TPCN2: variants seen among roughly 807,000 people sequenced by gnomAD.
The protein encoded by TPCN2 is two pore segment channel 2, also known as two pore channel protein 2.
Under a neutral mutation model 111.4 loss-of-function variants are expected in TPCN2, and 92 were observed. The ratio of observed to expected loss-of-function variants is 0.83; its 90% CI spans 0.70 to 0.98. The LOEUF (loss-of-function observed/expected upper bound fraction) is 0.98. TPCN2 is among the 50% of genes least tolerant of loss of function. The probability of loss-of-function intolerance (pLI) is 0.00; values close to 1 mark genes in which losing one functional copy is unlikely to be tolerated. For synonymous variants in TPCN2, 405 were observed against 414.5 expected (o/e 0.98, Z 0.28); for missense variants, 995 against 980.1 (o/e 1.02, Z -0.20).
chr11:69,081,211 T>A (rs1049046486), intron 17 of TPCN2, among the ~76,000 whole-genome samples, 189 bp from the exon 18 acceptor site: 1 of 152,030 alleles, frequency 6.6e-6, no homozygotes, highest in Non-Finnish European at 1.5e-5. Flanking sequence ...AGCGGAGCAG[T>A]GAGTAGCCCA....
At position 69,079,444 on chromosome 11, in the gene TPCN2, A is replaced by G. The variant is rs189543868; in HGVS notation, c.1540-390A>G. 2.0e-3 allele frequency: 553 copies of G among 281,952 alleles called. 2 individuals carry two copies. Among genetic ancestry groups the G allele is most frequent in the Non-Finnish European group, 2.7e-3 (410 of 149,452 alleles). The allele number at this position is 281,952 out of a possible 1,614,324, so 17.5% of individuals were successfully genotyped here. On this transcript the variant is annotated intron_variant, in intron 16 of 24. Coordinates refer to ENST00000294309, the MANE Select transcript of TPCN2 (RefSeq NM_139075.4). ...GCTTACACTTCCTTTCCCCAGACCC[A>G]GTGGGAGTGAGGGCATGCCACACTT...
intron 13 of TPCN2, among the ~76,000 whole-genome samples, chr11:69,074,723 C>A (rs1400000514): frequency 6.6e-6 from 1 of 152,192 alleles, no homozygotes; most frequent in African/African-American, 2.4e-5. Flanking sequence ...CGTATGTTAG[C>A]TGTGTAACTG....
At position 69,076,494 on chromosome 11, in the gene TPCN2, C is replaced by G. The variant is rs183245795; in HGVS notation, c.1231-1988C>G. ...AGAGCGTGTCCAGATGTGCTTAACA[C>G]CACACTCCGATCCACCCCGTAGCAT... On this transcript the variant is annotated intron_variant, in intron 13 of 24. Coordinates refer to ENST00000294309, the MANE Select transcript of TPCN2 (RefSeq NM_139075.4). Among the ~76,000 whole-genome samples the G allele has an allele frequency of 9.1e-4, 138 of 152,140 alleles. 1 individual carries two copies. The highest frequency in any genetic ancestry group is 6.8e-3 in the Middle Eastern group (2 of 294).
intron 7 of TPCN2, among the ~76,000 whole-genome samples, chr11:69,066,561 A>G (rs948796562): frequency 6.6e-5 from 10 of 152,222 alleles, no homozygotes; most frequent in Non-Finnish European, 5.9e-5. Context: ...CCTCAGTGCT[A>G]TTGATGCGGC....
At chr11:69,070,593 G>A (rs1006990697) in intron 9 of TPCN2, 98 bp downstream of exon 9, 2 of 936,068 alleles carry the variant, frequency 2.1e-6, no homozygotes, top group South Asian at 1.6e-5. Flanking sequence ...CTTCACATCC[G>A]TGTTTTTCAC....
At chr11:69,060,287 A>G (rs1346643247) in intron 5 of TPCN2, among the ~76,000 whole-genome samples, 2 of 152,194 alleles carry the variant, frequency 1.3e-5, no homozygotes, top group African/African-American at 4.8e-5. Flanking sequence ...GGAGGCTGAA[A>G]TGTGCGTGTG....
intron 1 of TPCN2, among the ~76,000 whole-genome samples, chr11:69,052,607 G>A (rs1861279432): frequency 6.6e-6 from 1 of 152,128 alleles, no homozygotes; most frequent in Admixed American, 6.5e-5. Context: ...GAGTGAGGGT[G>A]GGGTCCGGTC....
chr11:69,051,640 C>T (rs764482083), intron 1 of TPCN2, among the ~76,000 whole-genome samples: 4 of 152,232 alleles, frequency 2.6e-5, no homozygotes, highest in Non-Finnish European at 5.9e-5. Context: ...ATCTCAGCCC[C>T]TGCTGTCCTC....
At chr11:69,063,762 A>G in intron 6 of TPCN2, 133 bp from the exon 7 acceptor site, 1 of 763,946 alleles carries the variant, frequency 1.3e-6, no homozygotes, top group Non-Finnish European at 2.2e-6. Context: ...GGAGAGGGGG[A>G]CCCAGCTGCT....
Position 69,086,971 on chromosome 11 carries a change from G to T in TPCN2, c.2086-141G>T, listed in dbSNP as rs916398020. 1.6e-5 allele frequency: 11 copies of T among 676,024 alleles called. No individual in the cohort carries two copies. In the African/African-American group the frequency reaches 2.0e-4, roughly 12 times the overall value. The allele number at this position is 676,024 out of a possible 1,614,324, so 41.9% of individuals were successfully genotyped here. On this transcript the variant is annotated intron_variant, in intron 23 of 24. Coordinates refer to ENST00000294309, the MANE Select transcript of TPCN2 (RefSeq NM_139075.4). ...TCCAGGAGGAGCCAGCAGCCTCGTG[G>T]GGCCTGTGCCTGGGTGTCCAGGGTG...
At chr11:69,062,813 C>T in intron 5 of TPCN2, 71 bp from the exon 6 acceptor site, 3 of 1,437,816 alleles carry the variant, frequency 2.1e-6, no homozygotes, top group South Asian at 2.3e-5. Context: ...ACCGTGTGCC[C>T]ATCTGGGATG....
chr11:69,069,926 C>A (rs1013756727), intron 8 of TPCN2, among the ~76,000 whole-genome samples: 1 of 152,016 alleles, frequency 6.6e-6, no homozygotes, highest in Non-Finnish European at 1.5e-5. Context: ...GGAGGGTGTG[C>A]GAGCAGAGGC....
At position 69,063,974 on chromosome 11, in the gene TPCN2, C is replaced by G; in HGVS notation, c.726+7C>G. ...GCTGTTCGCTGGTGGGAAGGTAGGG[C>G]ACCCGTGGTCAGGGTCTGGGAATGG... On this transcript the variant is annotated splice_region_variant and intron_variant, in intron 7 of 24. Coordinates refer to ENST00000294309, the MANE Select transcript of TPCN2 (RefSeq NM_139075.4). The G allele has an allele frequency of 1.2e-6, 2 of 1,613,784 alleles. No homozygotes were observed. Among genetic ancestry groups the G allele is most frequent in the East Asian group, 2.2e-5 (1 of 44,880 alleles).
At chr11:69,049,582 C>G (rs61057353) in intron 1 of TPCN2, among the ~76,000 whole-genome samples, 36,598 of 152,230 alleles carry the variant, frequency 0.24, 4,895 homozygotes, top group South Asian at 0.44. Context: ...AGGTCACACA[C>G]CCAGTAAGTG....
At chr11:69,070,855 TCACCAACAGCTTCACCCCAGGGATCCCC>T in intron 9 of TPCN2, among the ~76,000 whole-genome samples, 2 of 36,484 alleles carry the variant, frequency 5.5e-5, no homozygotes, top group East Asian at 2.0e-3. Context: ...CAGGGATCCC[TCACCAACAGCTTCACCCCAGGGATCCCC>T]CACCAACAGC....
intron 13 of TPCN2, among the ~76,000 whole-genome samples, chr11:69,074,255 C>T (rs953682229): frequency 3.3e-5 from 5 of 152,260 alleles, no homozygotes; most frequent in Non-Finnish European, 5.9e-5. Context: ...TTGAGTGCCA[C>T]GCACTCGTCC....
intron 6 of TPCN2, 22 bp from the exon 7 acceptor site, chr11:69,063,872 CT>C: frequency 6.2e-7 from 1 of 1,612,520 alleles, no homozygotes; most frequent in South Asian, 1.1e-5. Flanking sequence ...CTGGCCCAGG[CT>C]GAGTGCCGTG....
intron 9 of TPCN2, 123 bp from the exon 10 acceptor site, chr11:69,071,233 C>T: frequency 1.4e-6 from 1 of 739,910 alleles, no homozygotes; most frequent in East Asian, 2.7e-5. Context: ...CTGCGCTGGC[C>T]AGGCCATGTT....
chr11:69,049,139 C>T (rs1861094284), intron 1 of TPCN2, 33 bp downstream of exon 1: 1 of 1,198,680 alleles, frequency 8.3e-7, no homozygotes, highest in Non-Finnish European at 1.1e-6. Context: ...GGGGACTGGC[C>T]CGGGAGACCA....
Sources: allele counts gnomAD v4.1 joint callset (sites outside exome capture counted in the v4.1 genomes callset), GRCh38; gene constraint gnomAD v4.1.1; transcripts MANE v1.5; gene names NCBI Gene and HGNC (gene_info 2026-07-23, HGNC 2026-07-21).